The following SMOC1 variants were observed in gnomAD, a reference collection of about 807,000 sequenced individuals.
The protein encoded by SMOC1 is SPARC-related modular calcium-binding protein 1.
In SMOC1, 22 loss-of-function variants were observed where a neutral mutation model predicts 56.3. The observed-to-expected ratio is 0.39, with a 90% confidence interval of 0.28 to 0.56. SMOC1 has a LOEUF of 0.56. Among genes scored for constraint, SMOC1 ranks in the 20% least tolerant of loss-of-function variants. The pLI is 0.61. For missense variants in SMOC1, 509 were observed against 565.4 expected (o/e 0.90, Z 1.01); for synonymous variants, 193 against 215.0 (o/e 0.90, Z 0.89).
chr14:69,990,006 A>G (rs1306926947), intron 5 of SMOC1, among the ~76,000 whole-genome samples: 2 of 152,150 alleles, frequency 1.3e-5, no homozygotes, highest in African/African-American at 4.8e-5. Flanking sequence ...AAAGATTTCC[A>G]TTTAGGACCT....
chr14:69,932,219 A>T (rs951513665), intron 1 of SMOC1, among the ~76,000 whole-genome samples: 1 of 152,210 alleles, frequency 6.6e-6, no homozygotes, highest in Non-Finnish European at 1.5e-5. Flanking sequence ...TTGCCTGCAG[A>T]TGTGTGAAGC....
intron 1 of SMOC1, among the ~76,000 whole-genome samples, chr14:69,915,147 C>G (rs1228691378): frequency 6.6e-6 from 1 of 152,230 alleles, no homozygotes; most frequent in Non-Finnish European, 1.5e-5. Context: ...GGATTGCAGG[C>G]TTGAGCCACC....
chr14:69,996,609 C>T (rs918925502), intron 7 of SMOC1, among the ~76,000 whole-genome samples: 25 of 152,216 alleles, frequency 1.6e-4, no homozygotes, highest in Admixed American at 5.2e-4. Context: ...CTGGGCAGGT[C>T]CATCCACTTT....
intron 1 of SMOC1, among the ~76,000 whole-genome samples, chr14:69,892,100 C>T (rs926999094): frequency 2.6e-5 from 4 of 152,188 alleles, no homozygotes; most frequent in Non-Finnish European, 5.9e-5. Context: ...GGGTTTCAAT[C>T]CACTGAACTT....
intron 2 of SMOC1, 108 bp downstream of exon 2, chr14:69,952,411 T>G: frequency 7.5e-7 from 1 of 1,332,704 alleles, no homozygotes; most frequent in Non-Finnish European, 1.1e-6. Flanking sequence ...CCACTCACTT[T>G]GCTTTCCTAT....
Position 69,953,551 on chromosome 14 carries a change from C to T in SMOC1, c.378+19C>T, listed in dbSNP as rs1162205029. 3.1e-6 allele frequency: 5 copies of T among 1,600,382 alleles called. No individual in the cohort carries two copies. In the South Asian group the frequency reaches 3.3e-5, roughly 11 times the overall value. ...TACCCAGGTGAGGCCTCGGACAATC[C>T]TCTTGGGCTCTTTCCTGGACCGAGG... On this transcript the variant is annotated intron_variant, in intron 3 of 11. Transcript: ENST00000361956.
intron 3 of SMOC1, among the ~76,000 whole-genome samples, chr14:69,969,798 A>G (rs1231565236): frequency 1.3e-5 from 2 of 152,216 alleles, no homozygotes; most frequent in Admixed American, 1.3e-4. Context: ...TGTTTAACCC[A>G]ATATTTCCAA....
At chr14:69,947,545 G>C (rs150415885) in intron 1 of SMOC1, among the ~76,000 whole-genome samples, 154 of 152,202 alleles carry the variant, frequency 1.0e-3, no homozygotes, top group African/African-American at 3.6e-3. Context: ...TTATTCTCCA[G>C]ATCAGCTTCT....
At chr14:69,925,855 A>C (rs949441698) in intron 1 of SMOC1, among the ~76,000 whole-genome samples, 3 of 152,164 alleles carry the variant, frequency 2.0e-5, no homozygotes, top group Non-Finnish European at 4.4e-5. Context: ...TGGGCAGAGC[A>C]GGAAATCAAA....
chr14:69,901,855 G>A (rs943905220), intron 1 of SMOC1, among the ~76,000 whole-genome samples: 5 of 152,206 alleles, frequency 3.3e-5, no homozygotes, highest in Admixed American at 2.6e-4. Flanking sequence ...GTGGCTCTTT[G>A]CCTTGTCACC....
intron 3 of SMOC1, among the ~76,000 whole-genome samples, chr14:69,957,819 C>T (rs181329367): frequency 6.6e-6 from 1 of 152,158 alleles, no homozygotes; most frequent in Non-Finnish European, 1.5e-5. Flanking sequence ...TCCCCACGCA[C>T]AGTATCTTTT....
intron 3 of SMOC1, among the ~76,000 whole-genome samples, chr14:69,974,583 TC>T: frequency 6.6e-6 from 1 of 151,964 alleles, no homozygotes; most frequent in South Asian, 2.1e-4. Context: ...CTATCCTAGA[TC>T]CCAACGCGAA....
chr14:69,925,957 C>CA (rs984678436), intron 1 of SMOC1, among the ~76,000 whole-genome samples: 1 of 152,154 alleles, frequency 6.6e-6, no homozygotes, highest in African/African-American at 2.4e-5. Context: ...TTAGCTCTTC[C>CA]TGCCCCCCAC....
chr14:70,016,004 G>A, intron 10 of SMOC1, among the ~76,000 whole-genome samples: 1 of 152,206 alleles, frequency 6.6e-6, no homozygotes, highest in East Asian at 1.9e-4. Flanking sequence ...ACACCTTCCT[G>A]CAGGCTCCTG....
chr14:69,943,186 C>T (rs911715616), intron 1 of SMOC1, among the ~76,000 whole-genome samples: 24 of 152,186 alleles, frequency 1.6e-4, no homozygotes, highest in Non-Finnish European at 2.6e-4. Flanking sequence ...CCCTCAGCAG[C>T]GTGAAAAGCC....
rs566772979 is a variant in SMOC1, at chr14:70,012,472, G to A, written c.940+905G>A. 2.6e-5 allele frequency among the ~76,000 whole-genome samples: 4 copies of A among 152,388 alleles called. No homozygotes were observed. In the South Asian group the frequency reaches 6.2e-4, roughly 24 times the overall value. On this transcript the variant is annotated intron_variant, in intron 9 of 11. Transcript: ENST00000361956. ...TATAGATAGTTGTGGTGGGTACTCT[G>A]AGGGAAAAGCGGAACATGCTGTGAG...
rs554828654 is a variant in SMOC1 at position 69,885,648 on chromosome 14, C to T, written c.99+5871C>T. The T allele has an allele frequency of 2.7e-5, 39 of 1,450,904 alleles. No individual in the cohort carries two copies. The South Asian group carries it at 2.9e-4, about 11-fold the overall frequency. The allele number at this position is 1,450,904 out of a possible 1,614,324, so 89.9% of individuals were successfully genotyped here. ...AGGGCAGGCAAGAAGACAACCAGCT[C>T]GATGGGATCCATGTCGTGTGAAATC... On this transcript the variant is annotated intron_variant, in intron 1 of 11. Transcript: ENST00000361956.
intron 1 of SMOC1, among the ~76,000 whole-genome samples, chr14:69,914,800 C>T (rs1884641454): frequency 6.6e-6 from 1 of 152,192 alleles, no homozygotes; most frequent in African/African-American, 2.4e-5. Flanking sequence ...TTCTCTTCCT[C>T]TAGTCCATTC....
At chr14:69,896,754 C>G (rs1431326652) in intron 1 of SMOC1, among the ~76,000 whole-genome samples, 2 of 152,162 alleles carry the variant, frequency 1.3e-5, no homozygotes, top group African/African-American at 4.8e-5. Flanking sequence ...GGAGGATGTT[C>G]CTTGGCATGG....
Sources: gnomAD v4.1 joint callset for allele counts (sites outside exome capture counted in the v4.1 genomes callset) on GRCh38, gnomAD v4.1.1 for gene constraint, MANE v1.5 for transcripts, NCBI Gene and HGNC (gene_info 2026-07-23, HGNC 2026-07-21) for gene names.